Variants in ATXN7 observed in about 807,000 individuals in gnomAD.
The protein encoded by ATXN7 is ataxin-7.
In ATXN7, 12 loss-of-function variants were observed where a neutral mutation model predicts 70.5. The ratio of observed to expected loss-of-function variants is 0.17; its 90% CI spans 0.11 to 0.28. The LOEUF (loss-of-function observed/expected upper bound fraction) is 0.28. Ranked by LOEUF, ATXN7 falls within the 10% of genes least tolerant of loss-of-function variation. The probability of loss-of-function intolerance (pLI) is 1.00; values close to 1 mark genes in which losing one functional copy is unlikely to be tolerated. For missense variants in ATXN7, 1,256 were observed against 1,131.7 expected (o/e 1.11, Z -1.58); for synonymous variants, 498 against 448.7 (o/e 1.11, Z -1.39).
intron 11 of ATXN7, among the ~76,000 whole-genome samples, chr3:63,992,675 T>C (rs2075690924): frequency 6.6e-6 from 1 of 152,198 alleles, no homozygotes; most frequent in African/African-American, 2.4e-5. Flanking sequence ...TCGACTCTGC[T>C]GTCTACTCTG....
At chr3:63,901,426 C>T (rs1703637264) in intron 2 of ATXN7, 1 of 152,124 alleles carries the variant, frequency 6.6e-6, no homozygotes, top group Non-Finnish European at 1.5e-5. Flanking sequence ...CACCTCTATC[C>T]TCTGGTAACC....
At position 63,909,804 on chromosome 3, in the gene ATXN7, A is replaced by G. The variant is rs114759742; in HGVS notation, c.-11-2784A>G. ...GAACTGGTTGAAGAAATACCAGGAA[A>G]TGCCCGTCAATCTCTTGTCTGCACA... On this transcript the variant is annotated intron_variant, in intron 2 of 12. Coordinates refer to ENST00000674280, the MANE Select transcript of ATXN7 (RefSeq NM_001377405.1). Among the ~76,000 whole-genome samples the G allele has an allele frequency of 5.8e-3, 890 of 152,314 alleles. 9 individuals are homozygous for G. The highest frequency in any genetic ancestry group is 0.02 in the African/African-American group (812 of 41,566).
Position 63,991,087 on chromosome 3 carries a change from G to T in ATXN7, c.1682+228G>T, listed in dbSNP as rs984222291. 7 of 574,232 alleles carry T rather than the reference G, an allele frequency of 1.2e-5. No homozygotes were observed. The Admixed American group carries it at 2.2e-4, about 18-fold the overall frequency. The allele number at this position is 574,232 out of a possible 1,614,324, so 35.6% of individuals were successfully genotyped here. ...AAGCAGAAGGACTCCCACATGTATG[G>T]AGCTCACAGTCTAGTTGGGATTGGG... On this transcript the variant is annotated intron_variant, in intron 11 of 12. Coordinates refer to ENST00000674280, the MANE Select transcript of ATXN7 (RefSeq NM_001377405.1).
At chr3:63,921,795 G>A (rs1005666368) in intron 4 of ATXN7, among the ~76,000 whole-genome samples, 5 of 152,124 alleles carry the variant, frequency 3.3e-5, no homozygotes, top group African/African-American at 1.2e-4. Context: ...TATAAAATGA[G>A]AATAATGCTA....
In ATXN7 at chr3:63,999,691, C is replaced by G; in HGVS notation, c.*224C>G. 1.3e-6 allele frequency: 1 copy of G among 762,570 alleles called. No homozygotes were observed. 47.2% of individuals were successfully genotyped at this position (762,570 alleles called of 1,614,324 possible). ...AGGACACTGGATCAAGTTCAGCCAC[C>G]GAATTGCTTTTATCAGTGTTAAAGT... On this transcript the variant is annotated 3_prime_UTR_variant, in exon 13 of 13. Transcript: ENST00000674280.
At chr3:63,985,862 AG>A (rs1473014683) in intron 8 of ATXN7, among the ~76,000 whole-genome samples, 1 of 152,238 alleles carries the variant, frequency 6.6e-6, no homozygotes, top group Admixed American at 6.5e-5. Context: ...CAGGGAATAA[AG>A]GGTTTAGCAC....
intron 8 of ATXN7, among the ~76,000 whole-genome samples, chr3:63,987,226 A>G (rs1339198606): frequency 2.0e-5 from 3 of 152,216 alleles, no homozygotes; most frequent in Non-Finnish European, 2.9e-5. Flanking sequence ...GACTACAGAC[A>G]CATTTTCTTA....
In ATXN7 at chr3:63,999,487, G is replaced by A; in HGVS notation, c.*20G>A. 2 of 1,613,812 alleles carry A rather than the reference G, an allele frequency of 1.2e-6. No individual in the cohort carries two copies. The highest frequency in any genetic ancestry group is 1.7e-6 in the Non-Finnish European group (2 of 1,179,918). ...CCCTGACAGCTGAAAATAGCACGGGGAGGAATAATGCGGACACTTTTGAGG... is the reference window on the plus strand; with the variant it reads ...CCCTGACAGCTGAAAATAGCACGGGAAGGAATAATGCGGACACTTTTGAGG... On this transcript the variant is annotated 3_prime_UTR_variant, in exon 13 of 13. Coordinates refer to ENST00000674280, the MANE Select transcript of ATXN7 (RefSeq NM_001377405.1).
chr3:63,864,836 A>G (rs1017035313), intron 1 of ATXN7: 3 of 152,230 alleles, frequency 2.0e-5, no homozygotes, highest in Non-Finnish European at 2.9e-5. Flanking sequence ...TTATATTGGC[A>G]TCTCTTTCCA....
At chr3:63,919,445 G>C (rs895283174) in intron 4 of ATXN7, among the ~76,000 whole-genome samples, 5 of 152,090 alleles carry the variant, frequency 3.3e-5, no homozygotes, top group African/African-American at 1.2e-4. Flanking sequence ...CTATTTTGAA[G>C]GGGAGAATCT....
At chr3:63,879,067 T>C (rs1702831050) in intron 1 of ATXN7, among the ~76,000 whole-genome samples, 2 of 152,166 alleles carry the variant, frequency 1.3e-5, no homozygotes, top group South Asian at 4.1e-4. Flanking sequence ...AATTATACCA[T>C]ACCCTATAGC....
chr3:63,949,099 T>C (rs2074912648), intron 4 of ATXN7, among the ~76,000 whole-genome samples: 1 of 152,166 alleles, frequency 6.6e-6, no homozygotes, highest in Non-Finnish European at 1.5e-5. Context: ...TGCAGACGGG[T>C]TGATTGTGAA....
chr3:63,915,441 C>G (rs538895413), intron 4 of ATXN7, among the ~76,000 whole-genome samples: 2 of 152,302 alleles, frequency 1.3e-5, no homozygotes, highest in African/African-American at 4.8e-5. Context: ...GTTCAGCACT[C>G]ACTCAGTGGA....
intron 4 of ATXN7, among the ~76,000 whole-genome samples, chr3:63,934,922 C>G (rs1255759136): frequency 6.6e-6 from 1 of 152,164 alleles, no homozygotes; most frequent in Admixed American, 6.5e-5. Context: ...TGTTAGCAGC[C>G]TCTCTGGCCT....
chr3:63,974,031 T>G (rs1338684074), intron 5 of ATXN7, among the ~76,000 whole-genome samples: 2 of 152,144 alleles, frequency 1.3e-5, no homozygotes, highest in East Asian at 1.9e-4. Context: ...ATTTAACCTG[T>G]AGCTTGGTTT....
rs80215453 is a variant in ATXN7, at chr3:63,888,973, A to G, written c.-110-9426A>G. Among the ~76,000 whole-genome samples, 1,191 of 152,266 alleles carry G rather than the reference A, an allele frequency of 7.8e-3. 11 individuals carry two copies. Among genetic ancestry groups the G allele is most frequent in the Non-Finnish European group, 0.012 (816 of 68,008 alleles). On this transcript the variant is annotated intron_variant, in intron 1 of 12. Coordinates refer to ENST00000674280, the MANE Select transcript of ATXN7 (RefSeq NM_001377405.1). ...CACTTAGCATTTTAAAAAGAATTTT[A>G]TTTTTAAAAGAATATGATAAAATTT...
rs550971920 is a variant in ATXN7, at chr3:63,965,660, C to T, written c.499+13177C>T. ...CATGTCCCCAGACCTAGACAATTAACGTCTGAGCCATCATTGGGATATTTA... is the reference window on the plus strand; with the variant it reads ...CATGTCCCCAGACCTAGACAATTAATGTCTGAGCCATCATTGGGATATTTA... On this transcript the variant is annotated intron_variant, in intron 5 of 12. Transcript: ENST00000674280. Among the ~76,000 whole-genome samples the T allele has an allele frequency of 3.3e-5, 5 of 152,202 alleles. No homozygotes were observed. In the South Asian group the frequency reaches 8.3e-4, roughly 25 times the overall value.
At chr3:63,912,497 G>C (rs1002803451) in intron 2 of ATXN7, 91 bp from the exon 3 acceptor site, 2 of 874,538 alleles carry the variant, frequency 2.3e-6, no homozygotes, top group Non-Finnish European at 2.8e-6. Flanking sequence ...CACCCGGTCC[G>C]CGGGCCGCGC....
At chr3:63,915,469 C>G (rs961400902) in intron 4 of ATXN7, among the ~76,000 whole-genome samples, 5 of 152,192 alleles carry the variant, frequency 3.3e-5, no homozygotes, top group Non-Finnish European at 7.3e-5. Flanking sequence ...GTTCTCCTAA[C>G]AGACCATTGT....
Sources: allele counts gnomAD v4.1 joint callset (sites outside exome capture counted in the v4.1 genomes callset), GRCh38; gene constraint gnomAD v4.1.1; transcripts MANE v1.5; gene names NCBI Gene and HGNC (gene_info 2026-07-23, HGNC 2026-07-21).